PKD1L3: variants seen among roughly 807,000 people sequenced by gnomAD.
The protein encoded by PKD1L3 is polycystin 1 like 3, transient receptor potential channel interacting, also known as polycystin-1-like protein 3.
PKD1L3 carries 239 observed loss-of-function variants against 184.1 expected under a neutral mutation model. That is an observed-to-expected ratio of 1.30 (90% CI 1.17 to 1.45). The LOEUF (loss-of-function observed/expected upper bound fraction) is 1.45. Among genes scored for constraint, PKD1L3 ranks in the 40% most tolerant of loss-of-function variants. PKD1L3 has a pLI of 0.00. For synonymous variants in PKD1L3, 996 were observed against 778.8 expected, an observed-to-expected ratio of 1.28 and a Z score of -4.64; for missense variants, 2,660 against 2,067.2, an observed-to-expected ratio of 1.29 and a Z score of -5.56.
intron 7 of PKD1L3, among the ~76,000 whole-genome samples, chr16:71,981,088 G>A (rs1597360069): frequency 6.6e-6 from 1 of 152,184 alleles, no homozygotes; most frequent in Non-Finnish European, 1.5e-5. Flanking sequence ...ATATTCCATT[G>A]TATGAATAGA....
chr16:71,935,657 G>T, intron 25 of PKD1L3, 139 bp from the exon 26 acceptor site: 1 of 782,668 alleles, frequency 1.3e-6, no homozygotes. Context: ...TTGGACAAAT[G>T]GGTTATGGTC....
rs1416227108 is a variant in PKD1L3, at chr16:71,969,910, A to C, written c.2149T>G (p.Trp717Gly). 1 of 1,551,748 alleles carries C rather than the reference A, an allele frequency of 6.4e-7. No individual in the cohort carries two copies. The highest frequency in any genetic ancestry group is 1.2e-5 in the South Asian group (1 of 84,048). ...LLGFYVITVV[W>G]ARKKDQADMQ... Reference sequence around the variant, plus strand: ...TCTGCTTGATCCTTTTTCCGAGCCCACACAACTGTGATCACATAAAATCCT... The same window carrying C: ...TCTGCTTGATCCTTTTTCCGAGCCCCCACAACTGTGATCACATAAAATCCT... The change falls in exon 13 of 30, where the codon TGG becomes GGG. Residue 717 changes from tryptophan to glycine, a missense_variant. Coordinates refer to ENST00000620267, the MANE Select transcript of PKD1L3 (RefSeq NM_181536.2).
intron 4 of PKD1L3, among the ~76,000 whole-genome samples, chr16:71,988,949 A>T (rs188808807): frequency 4.9e-4 from 74 of 152,324 alleles, no homozygotes; most frequent in African/African-American, 1.7e-3. Context: ...GGAGGACAAC[A>T]ATGTTGCATA....
intron 2 of PKD1L3, among the ~76,000 whole-genome samples, chr16:71,996,173 G>A (rs7197883): frequency 0.58 from 87,132 of 150,826 alleles, 25,562 homozygotes; most frequent in South Asian, 0.66. Context: ...GTAACAACAG[G>A]ATATGGACGC....
intron 4 of PKD1L3, among the ~76,000 whole-genome samples, chr16:71,986,914 A>ATTTTTTTTTTTTTTT (rs71153694): frequency 1.2e-5 from 1 of 81,366 alleles, no homozygotes; most frequent in African/African-American, 5.6e-5. Context: ...TAAGGAGAGG[A>ATTTTTTTTTTTTTTT]TTTTTTTTTT....
chr16:71,930,142 G>T lies in PKD1L3; in HGVS notation c.4968C>A (p.Leu1656=), dbSNP rs1200389227. Residue 1656 remains leucine, a synonymous_variant, in exon 29 of 30, where the codon CTC becomes CTA. Transcript: ENST00000620267. The part of the protein sequence containing the change: ...LDPVLGTFLI[L]TSVILMVLVV... ...CAAGTACCATCAAGATGACACTGGT[G>T]AGGATCAGAAAGGTGCCCAGGACTG... The T allele has an allele frequency of 1.3e-6, 2 of 1,551,666 alleles. No homozygotes were observed. Among genetic ancestry groups the T allele is most frequent in the Non-Finnish European group, 1.7e-6 (2 of 1,146,904 alleles).
Position 71,952,243 on chromosome 16 carries a change from T to C in PKD1L3, c.3010-499A>G, listed in dbSNP as rs188048948. On this transcript the variant is annotated intron_variant, in intron 18 of 29. Coordinates refer to ENST00000620267, the MANE Select transcript of PKD1L3 (RefSeq NM_181536.2). The stretch of plus-strand genomic sequence containing the variant: ...TTTTTTTTGAGACGGAGTCTTGCTC[T>C]GTCTCTGTTGCCAGGCTGGAGTGCA... Among the ~76,000 whole-genome samples the C allele has an allele frequency of 3.4e-3, 470 of 140,282 alleles. 1 individual carries two copies. Among genetic ancestry groups the C allele is most frequent in the Middle Eastern group, 7.6e-3 (2 of 262 alleles). The allele number at this position is 140,282 out of a possible 152,430, so 92.0% of individuals were successfully genotyped here.
rs1016890000 is a variant in PKD1L3 at position 71,973,469 on chromosome 16, A to T, written c.1808T>A (p.Ile603Asn). 1.4e-5 allele frequency: 21 copies of T among 1,551,854 alleles called. No homozygotes were observed. The highest frequency in any genetic ancestry group is 1.8e-5 in the Non-Finnish European group (21 of 1,147,038). The change falls in exon 12 of 30, where the codon ATT becomes AAT. Residue 603 changes from isoleucine (I) to asparagine (N), a missense_variant. By Grantham distance (149) the Ile-to-Asn change is moderately radical. Coordinates refer to ENST00000620267, the MANE Select transcript of PKD1L3 (RefSeq NM_181536.2). Reference protein sequence around the residue: ...VLNPEHLQHGIGTYYITAVLS... With the variant: ...VLNPEHLQHGNGTYYITAVLS... ...CACAGCTGTTATATAGTAGGTGCCA[A>T]TCCCGTGCTGCAGATGCTCTGGATT...
chr16:71,954,467 T>G (rs1304056904), intron 16 of PKD1L3, among the ~76,000 whole-genome samples, 166 bp from the exon 17 acceptor site: 3 of 152,236 alleles, frequency 2.0e-5, no homozygotes, highest in Admixed American at 1.3e-4. Context: ...TTATTTTAAA[T>G]TCTTTTACCA....
At position 71,993,240 on chromosome 16, in the gene PKD1L3, T is replaced by C; in HGVS notation, c.511A>G (p.Ile171Val). Residue 171 changes from isoleucine (I) to valine (V), a missense_variant, in exon 3 of 30, where the codon ATA becomes GTA. By Grantham distance (29) the Ile-to-Val change is conservative. Coordinates refer to ENST00000620267, the MANE Select transcript of PKD1L3 (RefSeq NM_181536.2). ...RHKKTKRGVA[I>V]ARDKMPPGPG... ...CCTGGGGGCATTTTGTCTCTTGCTA[T>C]TGCAACTCCTCTTTTTGTCTTCTTG... is the stretch of plus-strand genomic sequence containing the variant. The C allele has an allele frequency of 6.5e-7, 1 of 1,549,734 alleles. No homozygotes were observed.
chr16:71,936,809 T>C (rs1362045017), intron 25 of PKD1L3, among the ~76,000 whole-genome samples: 1 of 152,206 alleles, frequency 6.6e-6, no homozygotes, highest in Non-Finnish European at 1.5e-5. Context: ...TTGTTCATCA[T>C]ACTTGCTTGG....
intron 12 of PKD1L3, 28 bp from the exon 13 acceptor site, chr16:71,970,133 T>A: frequency 6.5e-7 from 1 of 1,526,786 alleles, no homozygotes; most frequent in East Asian, 2.5e-5. Flanking sequence ...ACGTTGATTC[T>A]AGTCAGACAG....
At chr16:71,962,218 C>T (rs1302210403) in intron 16 of PKD1L3, among the ~76,000 whole-genome samples, 1 of 152,046 alleles carries the variant, frequency 6.6e-6, no homozygotes, top group Non-Finnish European at 1.5e-5. Context: ...GCCACCATGC[C>T]CGGCTAGGAC....
chr16:71,968,929 AC>A (rs2039604252), intron 13 of PKD1L3, among the ~76,000 whole-genome samples: 1 of 134,818 alleles, frequency 7.4e-6, no homozygotes, highest in African/African-American at 2.8e-5. Context: ...TTTACATATA[AC>A]TTTTTTTTTT....
chr16:71,932,780 CTTTTTTTTTTTTTT>C (rs71153681), intron 28 of PKD1L3, among the ~76,000 whole-genome samples: 1 of 97,114 alleles, frequency 1.0e-5, no homozygotes, highest in African/African-American at 4.4e-5. Flanking sequence ...CGCACCTGGC[CTTTTTTTTTTTTTT>C]TTTTTTTTTT....
In PKD1L3 at chr16:71,973,248, A is replaced by G. The variant is rs971329931; in HGVS notation, c.1953+76T>C. On this transcript the variant is annotated intron_variant, in intron 12 of 29. Transcript: ENST00000620267. ...TTATTTTTCTTTCTGGGCTGCCCCAAATGAGATAACGGATGCATTGGGCTT... is the reference window on the plus strand; with the variant it reads ...TTATTTTTCTTTCTGGGCTGCCCCAGATGAGATAACGGATGCATTGGGCTT... 5.5e-6 allele frequency: 8 copies of G among 1,456,478 alleles called. No homozygotes were observed. The African/African-American group carries it at 7.1e-5, about 13-fold the overall frequency. 90.2% of individuals were successfully genotyped at this position (1,456,478 alleles called of 1,614,324 possible).
chr16:71,995,903 G>A (rs539865688), intron 2 of PKD1L3, among the ~76,000 whole-genome samples: 83 of 152,236 alleles, frequency 5.5e-4, no homozygotes, highest in African/African-American at 1.5e-3. Context: ...CCTTGCCAAC[G>A]GAAAGTGTTG....
intron 16 of PKD1L3, among the ~76,000 whole-genome samples, 195 bp downstream of exon 16, chr16:71,963,010 C>T (rs565491553): frequency 1.3e-5 from 2 of 152,136 alleles, no homozygotes; most frequent in African/African-American, 2.4e-5. Context: ...TTTTATACTT[C>T]GAATCTCTTT....
intron 7 of PKD1L3, 41 bp downstream of exon 7, chr16:71,982,018 G>C: frequency 6.8e-7 from 1 of 1,467,418 alleles, no homozygotes; most frequent in Non-Finnish European, 9.1e-7. Context: ...AGATTAAAAT[G>C]CTTCTAAGCA....
Sources: gnomAD v4.1 joint callset for allele counts (sites outside exome capture counted in the v4.1 genomes callset) on GRCh38, gnomAD v4.1.1 for gene constraint, MANE v1.5 for transcripts, NCBI Gene and HGNC (gene_info 2026-07-23, HGNC 2026-07-21) for gene names.